The following TENM2 variants were observed in gnomAD, a reference collection of about 807,000 sequenced individuals.
TENM2 encodes the protein teneurin-2.
A neutral mutation model predicts 245.2 loss-of-function variants in TENM2; 52 were observed. The ratio of observed to expected loss-of-function variants is 0.21; its 90% CI spans 0.17 to 0.27. TENM2 has a LOEUF of 0.27. TENM2 is among the 10% of genes least tolerant of loss of function. The pLI is 1.00. For missense variants in TENM2, 3,046 were observed against 3,666.8 expected (o/e 0.83, Z 4.37); for synonymous variants, 1,363 against 1,438.9 (o/e 0.95, Z 1.19).
At chr5:167,413,351 T>C (rs1301249211) in intron 2 of TENM2, among the ~76,000 whole-genome samples, 1 of 152,124 alleles carries the variant, frequency 6.6e-6, no homozygotes, top group Non-Finnish European at 1.5e-5. Flanking sequence ...TTAACCTACC[T>C]GGAACCATGT....
intron 2 of TENM2, among the ~76,000 whole-genome samples, chr5:167,730,759 G>A (rs567780502): frequency 6.6e-6 from 1 of 152,260 alleles, no homozygotes; most frequent in Admixed American, 6.5e-5. Flanking sequence ...CTGAAAATTA[G>A]TGACATAAAC....
intron 2 of TENM2, among the ~76,000 whole-genome samples, chr5:167,810,669 C>T (rs1003012396): frequency 2.0e-5 from 3 of 151,776 alleles, no homozygotes; most frequent in Non-Finnish European, 4.4e-5. Context: ...CTGACTTGTG[C>T]CCTAAGAAAT....
chr5:168,205,080 T>C (rs770973920), intron 19 of TENM2, among the ~76,000 whole-genome samples: 4 of 152,192 alleles, frequency 2.6e-5, no homozygotes, highest in Non-Finnish European at 4.4e-5. Context: ...CCAGCCTAGG[T>C]AGATTCCTCC....
At chr5:167,249,439 T>A in the TENM2 span, among the ~76,000 whole-genome samples, 3 of 152,134 alleles carry the variant, frequency 2.0e-5, no homozygotes, top group Non-Finnish European at 4.4e-5. Flanking sequence ...TCTTCTTTCC[T>A]TCTTTCCTTC....
At chr5:167,533,517 A>G (rs1460530934) in intron 2 of TENM2, among the ~76,000 whole-genome samples, 1 of 152,086 alleles carries the variant, frequency 6.6e-6, no homozygotes, top group African/African-American at 2.4e-5. Context: ...CCATGGTGCA[A>G]TCATGGCTCA....
the TENM2 span, among the ~76,000 whole-genome samples, chr5:167,244,353 G>A: frequency 6.6e-6 from 1 of 152,110 alleles, no homozygotes. Context: ...TTTAACACGT[G>A]TTAACCTAAC....
In TENM2 at chr5:167,683,263, C is replaced by CTT. The variant is rs1358544068; in HGVS notation, c.503-192723_503-192722insTT. Among the ~76,000 whole-genome samples the CTT allele has an allele frequency of 2.1e-4, 31 of 148,888 alleles. 1 individual carries two copies. The highest frequency in any genetic ancestry group is 3.4e-3 in the Middle Eastern group (1 of 292). On this transcript the variant is annotated intron_variant, in intron 2 of 28. Coordinates refer to ENST00000518659, the Ensembl canonical transcript of TENM2. ...AAGGACCATGTCTTTTTTTTTTTCC[C>CTT]CCCCTGGGCATCAGAAATAAAAAGT...
At chr5:167,895,933 A>G (rs183473661) in intron 3 of TENM2, among the ~76,000 whole-genome samples, 1 of 152,382 alleles carries the variant, frequency 6.6e-6, no homozygotes, top group African/African-American at 2.4e-5. Flanking sequence ...ATCTACTGTT[A>G]TAGACGTTAT....
intron 19 of TENM2, among the ~76,000 whole-genome samples, chr5:168,209,933 A>G (rs1459564562): frequency 2.0e-5 from 3 of 152,206 alleles, no homozygotes; most frequent in African/African-American, 4.8e-5. Context: ...GAATGCCACA[A>G]GAGACCCTGA....
intron 3 of TENM2, among the ~76,000 whole-genome samples, chr5:167,882,448 T>C (rs190205351): frequency 2.4e-3 from 362 of 152,316 alleles, no homozygotes; most frequent in Non-Finnish European, 4.2e-3. Context: ...ACAGCATGAT[T>C]TTTGTCAAGT....
chr5:168,227,386 ACTT>A (rs542724297), intron 24 of TENM2, among the ~76,000 whole-genome samples: 66 of 152,110 alleles, frequency 4.3e-4, no homozygotes, highest in East Asian at 3.7e-3. Context: ...GGGAAGGTTG[ACTT>A]CTTCTCTCCA....
chr5:168,139,022 C>G (rs1272728013), intron 12 of TENM2, among the ~76,000 whole-genome samples: 1 of 152,212 alleles, frequency 6.6e-6, no homozygotes, highest in African/African-American at 2.4e-5. Flanking sequence ...CTCACTGTTT[C>G]TATCAATAAT....
chr5:168,152,070 C>T (rs1013834606), intron 12 of TENM2, among the ~76,000 whole-genome samples: 1 of 152,180 alleles, frequency 6.6e-6, no homozygotes, highest in Admixed American at 6.5e-5. Flanking sequence ...CTACTTTGGC[C>T]AAATTACTTA....
intron 2 of TENM2, among the ~76,000 whole-genome samples, chr5:167,850,819 T>G (rs980190947): frequency 5.9e-4 from 90 of 152,254 alleles, no homozygotes; most frequent in African/African-American, 2.1e-3. Context: ...CTTCATTTTT[T>G]CCCCAATTAG....
chr5:168,144,235 T>A (rs1217909659), intron 12 of TENM2, among the ~76,000 whole-genome samples: 1 of 152,066 alleles, frequency 6.6e-6, no homozygotes, highest in East Asian at 1.9e-4. Flanking sequence ...ATTGTGCAGG[T>A]TAGTTACATA....
chr5:167,379,494 C>T (rs554803455), intron 2 of TENM2, among the ~76,000 whole-genome samples: 4 of 152,268 alleles, frequency 2.6e-5, no homozygotes, highest in South Asian at 2.1e-4. Context: ...CTCCAGAAAG[C>T]GGCCTCTCAA....
Position 167,920,515 on chromosome 5 carries a change from TCACACACACACACACA to T in TENM2, c.713-32046_713-32031del, listed in dbSNP as rs58866696. Among the ~76,000 whole-genome samples the T allele has an allele frequency of 2.3e-3, 300 of 129,522 alleles. 1 individual carries two copies. The highest frequency in any genetic ancestry group is 5.6e-3 in the African/African-American group (191 of 33,918). 85.0% of individuals were successfully genotyped at this position (129,522 alleles called of 152,430 possible). A position where few individuals can be genotyped will look rare whatever the true frequency, so the allele number is the denominator to read the frequency against. ...CCTGGGCAACAAGAGCGAAACTCCATCACACACACACACACACACACACACACACACACACACACAC... is the reference window on the plus strand; with the variant it reads ...CCTGGGCAACAAGAGCGAAACTCCATCACACACACACACACACACACACAC... On this transcript the variant is annotated intron_variant, in intron 3 of 28. Coordinates refer to ENST00000518659, the Ensembl canonical transcript of TENM2.
intron 3 of TENM2, among the ~76,000 whole-genome samples, chr5:167,894,689 T>C (rs1462306273): frequency 2.6e-5 from 4 of 152,162 alleles, no homozygotes; most frequent in African/African-American, 9.7e-5. Flanking sequence ...GCACTTAGTA[T>C]GCACTCCATA....
At chr5:167,020,437 T>C in the TENM2 span, among the ~76,000 whole-genome samples, 66 of 152,322 alleles carry the variant, frequency 4.3e-4, no homozygotes, top group Admixed American at 3.3e-4. Flanking sequence ...TGCCCAAACA[T>C]TGTCTATTCT....
Sources: gnomAD v4.1 joint callset for allele counts (sites outside exome capture counted in the v4.1 genomes callset) on GRCh38, gnomAD v4.1.1 for gene constraint, MANE v1.5 for transcripts, NCBI Gene and HGNC (gene_info 2026-07-23, HGNC 2026-07-21) for gene names.